The following CALD1 variants were observed in gnomAD, a reference collection of about 807,000 sequenced individuals.
CALD1 encodes the protein caldesmon.
Under a neutral mutation model 99.9 loss-of-function variants are expected in CALD1, and 33 were observed. That is an observed-to-expected ratio of 0.33 (90% CI 0.25 to 0.44). The LOEUF is 0.44. Ranked by LOEUF, CALD1 falls within the 20% of genes least tolerant of loss-of-function variation. CALD1 has a pLI of 1.00. For missense variants in CALD1, 861 were observed against 962.1 expected (o/e 0.89, Z 1.39); for synonymous variants, 310 against 325.0 (o/e 0.95, Z 0.50).
chr7:134,949,075 A>T (rs1807134841), intron 8 of CALD1, among the ~76,000 whole-genome samples: 1 of 152,184 alleles, frequency 6.6e-6, no homozygotes, highest in Admixed American at 6.5e-5. Context: ...GATTCTTCCA[A>T]TAATTTAATA....
At chr7:134,729,813 G>C in the CALD1 span, among the ~76,000 whole-genome samples, 2 of 152,230 alleles carry the variant, frequency 1.3e-5, no homozygotes, top group African/African-American at 4.8e-5. Context: ...ATTACTTGCT[G>C]CCTATTGAAA....
intron 3 of CALD1, among the ~76,000 whole-genome samples, chr7:134,919,299 C>A (rs1182820405): frequency 6.6e-6 from 1 of 152,152 alleles, no homozygotes; most frequent in African/African-American, 2.4e-5. Flanking sequence ...ACAGGACCCA[C>A]CAGACCTGAT....
chr7:134,850,996 T>C (rs774053963), intron 2 of CALD1, among the ~76,000 whole-genome samples: 2 of 152,212 alleles, frequency 1.3e-5, no homozygotes, highest in Non-Finnish European at 2.9e-5. Flanking sequence ...CCTTCCACCA[T>C]GATTGTGAGG....
At chr7:134,934,311 CAG>C (rs892718947) in intron 5 of CALD1, among the ~76,000 whole-genome samples, 2 of 152,120 alleles carry the variant, frequency 1.3e-5, no homozygotes, top group African/African-American at 4.8e-5. Context: ...GTCCAGAAGA[CAG>C]AGAGAAATTA....
the CALD1 span, among the ~76,000 whole-genome samples, chr7:134,738,575 T>C: frequency 6.6e-6 from 1 of 152,202 alleles, no homozygotes; most frequent in Non-Finnish European, 1.5e-5. Flanking sequence ...TTTCTAGTAG[T>C]TTTAGTGAAG....
chr7:134,798,206 T>C (rs1797819529), intron 1 of CALD1, among the ~76,000 whole-genome samples: 1 of 152,230 alleles, frequency 6.6e-6, no homozygotes. Flanking sequence ...GTGAAAATGG[T>C]TTAAGCTAAC....
intron 8 of CALD1, among the ~76,000 whole-genome samples, chr7:134,949,060 T>C (rs1474035613): frequency 6.6e-6 from 1 of 152,180 alleles, no homozygotes; most frequent in East Asian, 1.9e-4. Context: ...ATATCTACTT[T>C]GCAGGATTCT....
intron 1 of CALD1, among the ~76,000 whole-genome samples, chr7:134,834,901 C>T (rs1799370623): frequency 6.6e-6 from 1 of 152,216 alleles, no homozygotes; most frequent in Non-Finnish European, 1.5e-5. Flanking sequence ...GCCCTGTGCA[C>T]AAAATGGTCC....
At chr7:134,945,214 G>A (rs1401970803) in intron 7 of CALD1, among the ~76,000 whole-genome samples, 10 of 152,014 alleles carry the variant, frequency 6.6e-5, no homozygotes, top group Admixed American at 2.6e-4. Context: ...ACATAAAAAC[G>A]TACCCATTTC....
the CALD1 span, among the ~76,000 whole-genome samples, chr7:134,717,231 AG>A: frequency 6.6e-6 from 1 of 152,202 alleles, no homozygotes; most frequent in African/African-American, 2.4e-5. Flanking sequence ...TCCATGGTTT[AG>A]GGTAGGGTTC....
At chr7:134,968,294 G>A (rs1563142202) in intron 14 of CALD1, 46 bp from the exon 15 acceptor site, 1 of 1,602,160 alleles carries the variant, frequency 6.2e-7, no homozygotes, top group East Asian at 2.2e-5. Context: ...CAGGCTGTCA[G>A]TTTCACACTA....
At chr7:134,722,338 T>G in the CALD1 span, among the ~76,000 whole-genome samples, 1 of 152,196 alleles carries the variant, frequency 6.6e-6, no homozygotes, top group Admixed American at 6.6e-5. Flanking sequence ...TCTTTTGATT[T>G]TAGTGTTCTC....
intron 11 of CALD1, 88 bp downstream of exon 11, chr7:134,958,378 T>A: frequency 1.0e-6 from 1 of 996,346 alleles, no homozygotes; most frequent in South Asian, 1.3e-5. Flanking sequence ...AGGACAATAA[T>A]CAAGTCCAAT....
intron 2 of CALD1, among the ~76,000 whole-genome samples, chr7:134,858,039 A>G (rs1800392814): frequency 6.6e-6 from 1 of 151,802 alleles, no homozygotes; most frequent in South Asian, 2.1e-4. Flanking sequence ...TTAGTTGAAC[A>G]AACCAGTCAC....
intron 1 of CALD1, among the ~76,000 whole-genome samples, chr7:134,823,494 T>C (rs766513076): frequency 2.0e-5 from 3 of 152,196 alleles, no homozygotes; most frequent in Non-Finnish European, 4.4e-5. Context: ...TGTGTGTTCT[T>C]TTCCCCCCGT....
At chr7:134,952,002 G>A (rs1055477667) in intron 9 of CALD1, among the ~76,000 whole-genome samples, 7 of 152,158 alleles carry the variant, frequency 4.6e-5, no homozygotes, top group Non-Finnish European at 7.3e-5. Flanking sequence ...AGCCATGAGA[G>A]AATTATACCC....
intron 5 of CALD1, among the ~76,000 whole-genome samples, chr7:134,934,416 G>A (rs1490092767): frequency 1.3e-5 from 2 of 152,144 alleles, no homozygotes; most frequent in African/African-American, 4.8e-5. Context: ...CTGATTCTGT[G>A]CTTGCATCTA....
chr7:134,767,807 G>C (rs77994671), intron 1 of CALD1, among the ~76,000 whole-genome samples: 1 of 152,334 alleles, frequency 6.6e-6, no homozygotes, highest in African/African-American at 2.4e-5. Flanking sequence ...GGCACACACC[G>C]TGTTTCTGAT....
At chr7:134,881,120 G>A (rs1394355689) in intron 3 of CALD1, among the ~76,000 whole-genome samples, 2 of 152,152 alleles carry the variant, frequency 1.3e-5, no homozygotes, top group Admixed American at 1.3e-4. Flanking sequence ...CTAGAAGACA[G>A]ATTCTGGTGT....
Sources: gnomAD v4.1 joint callset for allele counts (sites outside exome capture counted in the v4.1 genomes callset) on GRCh38, gnomAD v4.1.1 for gene constraint, MANE v1.5 for transcripts, NCBI Gene and HGNC (gene_info 2026-07-23, HGNC 2026-07-21) for gene names.